CA10: variants seen among roughly 807,000 people sequenced by gnomAD.
CA10 encodes the protein carbonic anhydrase 10 (inactive), also known as carbonic anhydrase-related protein 10.
A neutral mutation model predicts 44.2 loss-of-function variants in CA10; 14 were observed. The ratio of observed to expected loss-of-function variants is 0.32; its 90% confidence interval spans 0.21 to 0.50. The LOEUF is 0.50. Ranked by LOEUF, CA10 falls within the 20% of genes least tolerant of loss-of-function variation. The pLI, the probability that CA10 is intolerant of heterozygous loss-of-function variation, is 0.99. For synonymous variants in CA10, 159 were observed against 141.6 expected, an observed-to-expected ratio of 1.12 and a Z score of -0.87; for missense variants, 350 against 409.7, an observed-to-expected ratio of 0.85 and a Z score of 1.26.
intron 3 of CA10, among the ~76,000 whole-genome samples, chr17:51,854,710 G>C (rs991004295): frequency 6.0e-5 from 9 of 150,426 alleles, no homozygotes; most frequent in Admixed American, 3.3e-4. Flanking sequence ...CACTCTAAAG[G>C]CTTCTGGCCA....
chr17:51,736,486 A>G (rs1916917943), intron 4 of CA10, among the ~76,000 whole-genome samples: 1 of 152,196 alleles, frequency 6.6e-6, no homozygotes, highest in Non-Finnish European at 1.5e-5. Context: ...CCTGATGCAG[A>G]TATCTGGTGG....
chr17:51,683,314 A>C (rs541810466), intron 4 of CA10, among the ~76,000 whole-genome samples: 227 of 152,292 alleles, frequency 1.5e-3, no homozygotes, highest in African/African-American at 5.3e-3. Context: ...ACTGGAGTCC[A>C]AGGACTGAGT....
At chr17:51,753,413 T>C (rs1904959215) in intron 3 of CA10, among the ~76,000 whole-genome samples, 1 of 152,242 alleles carries the variant, frequency 6.6e-6, no homozygotes. Flanking sequence ...AATGGGGTCA[T>C]CTTTTTTCAT....
intron 1 of CA10, among the ~76,000 whole-genome samples, chr17:52,086,208 G>A (rs1241832572): frequency 6.6e-6 from 1 of 152,186 alleles, no homozygotes; most frequent in Non-Finnish European, 1.5e-5. Context: ...GATAATGATA[G>A]TGTTGACAAT....
intron 6 of CA10, among the ~76,000 whole-genome samples, chr17:51,641,338 T>A (rs1913079321): frequency 6.6e-6 from 1 of 152,166 alleles, no homozygotes; most frequent in South Asian, 2.1e-4. Context: ...AACCTCTTAC[T>A]TGAGGATACC....
chr17:52,000,465 C>T (rs1985384156), intron 2 of CA10, among the ~76,000 whole-genome samples: 1 of 152,092 alleles, frequency 6.6e-6, no homozygotes, highest in African/African-American at 2.4e-5. Context: ...AAGCTAGGCA[C>T]ACAGTCATGA....
chr17:51,693,546 T>C (rs1915292600), intron 4 of CA10, among the ~76,000 whole-genome samples: 1 of 152,148 alleles, frequency 6.6e-6, no homozygotes, highest in Admixed American at 6.5e-5. Flanking sequence ...TTTATGTCCA[T>C]GAGTACCCAA....
chr17:51,688,559 T>G (rs1462011134), intron 4 of CA10, among the ~76,000 whole-genome samples: 1 of 152,236 alleles, frequency 6.6e-6, no homozygotes, highest in African/African-American at 2.4e-5. Context: ...AGTGAGATGA[T>G]GTCTGTGTTT....
At chr17:51,826,127 G>C (rs145274653) in intron 3 of CA10, among the ~76,000 whole-genome samples, 1 of 152,350 alleles carries the variant, frequency 6.6e-6, no homozygotes, top group East Asian at 1.9e-4. Context: ...TGAGGTTTCT[G>C]TGGATTTTCT....
At chr17:51,686,908 C>A (rs1915029022) in intron 4 of CA10, among the ~76,000 whole-genome samples, 1 of 152,174 alleles carries the variant, frequency 6.6e-6, no homozygotes, top group Admixed American at 6.5e-5. Flanking sequence ...TTGAAAACAT[C>A]CAACGTCATT....
chr17:51,710,564 G>T (rs886485540), intron 4 of CA10, among the ~76,000 whole-genome samples: 1 of 152,146 alleles, frequency 6.6e-6, no homozygotes, highest in Non-Finnish European at 1.5e-5. Context: ...TTTGCCTGGG[G>T]TGTTACCACA....
chr17:52,060,664 TGTTGA>T (rs34569205), intron 2 of CA10, among the ~76,000 whole-genome samples: 2,526 of 152,272 alleles, frequency 0.017, 70 homozygotes, highest in African/African-American at 0.056. Context: ...GATAGATTTG[TGTTGA>T]GTTTTCAGTG....
intron 1 of CA10, among the ~76,000 whole-genome samples, chr17:52,093,595 T>G (rs1327092660): frequency 6.6e-6 from 1 of 152,204 alleles, no homozygotes; most frequent in Non-Finnish European, 1.5e-5. Flanking sequence ...TCCTCTCTTG[T>G]TGTCATTGTC....
At chr17:51,709,972 T>A (rs1915881942) in intron 4 of CA10, among the ~76,000 whole-genome samples, 1 of 152,212 alleles carries the variant, frequency 6.6e-6, no homozygotes, top group African/African-American at 2.4e-5. Flanking sequence ...AGCAAACTAA[T>A]CTGAACTGCA....
chr17:51,925,933 AG>A (rs1262269889), intron 3 of CA10, among the ~76,000 whole-genome samples: 5 of 152,086 alleles, frequency 3.3e-5, no homozygotes, highest in Non-Finnish European at 5.9e-5. Context: ...CCAGGGGCTG[AG>A]GGGGATGGAA....
chr17:52,071,394 G>A (rs1474132853), intron 2 of CA10, among the ~76,000 whole-genome samples: 1 of 152,126 alleles, frequency 6.6e-6, no homozygotes, highest in Non-Finnish European at 1.5e-5. Flanking sequence ...ATGCTCAGAG[G>A]GGTTTTGTGA....
intron 3 of CA10, among the ~76,000 whole-genome samples, chr17:51,866,207 T>C (rs887137708): frequency 2.6e-5 from 4 of 152,230 alleles, no homozygotes; most frequent in Non-Finnish European, 4.4e-5. Context: ...TGCTCCCATG[T>C]CTGAGCCAAC....
At chr17:51,906,575 A>C (rs929309329) in intron 3 of CA10, among the ~76,000 whole-genome samples, 1 of 152,138 alleles carries the variant, frequency 6.6e-6, no homozygotes, top group Non-Finnish European at 1.5e-5. Flanking sequence ...ATGGCTTTAA[A>C]TATTTGTTAT....
In CA10 at chr17:51,755,971, T is replaced by C. The variant is rs534378712; in HGVS notation, c.280-8153A>G. On this transcript the variant is annotated intron_variant, in intron 3 of 8. Coordinates refer to ENST00000451037, the MANE Select transcript of CA10 (RefSeq NM_020178.5). ...TGTCCTTTTTATTTATTTACTATTC[T>C]ATATGGAATTGGCACCTGGGCCCTG... Among the ~76,000 whole-genome samples, 77 of 152,316 alleles carry C rather than the reference T, an allele frequency of 5.1e-4. 3 individuals are homozygous for C. The South Asian group carries it at 0.016, about 31-fold the overall frequency.
Sources: gnomAD v4.1 joint callset for allele counts (sites outside exome capture counted in the v4.1 genomes callset) on GRCh38, gnomAD v4.1.1 for gene constraint, MANE v1.5 for transcripts, NCBI Gene and HGNC (gene_info 2026-07-23, HGNC 2026-07-21) for gene names.